Variants in CHST15 observed in about 807,000 individuals in gnomAD.
CHST15 encodes the protein carbohydrate sulfotransferase 15.
A neutral mutation model predicts 53.6 loss-of-function variants in CHST15; 30 were observed. The ratio of observed to expected loss-of-function variants is 0.56; its 90% CI spans 0.42 to 0.76. The LOEUF is 0.76. CHST15 is among the 30% of genes least tolerant of loss of function. The pLI is 0.00. For synonymous variants in CHST15, 296 were observed against 289.8 expected (o/e 1.02, Z -0.22); for missense variants, 627 against 740.5 (o/e 0.85, Z 1.78).
chr10:124,038,400 C>A, intron 5 of CHST15, 115 bp downstream of exon 5: 2 of 1,241,808 alleles, frequency 1.6e-6, no homozygotes, highest in Non-Finnish European at 2.3e-6. Flanking sequence ...GCCACTGTAC[C>A]CGACCTGTTT....
chr10:124,065,568 C>T (rs1275286214), intron 1 of CHST15, among the ~76,000 whole-genome samples: 1 of 152,114 alleles, frequency 6.6e-6, no homozygotes, highest in African/African-American at 2.4e-5. Context: ...GGGTTCCCGA[C>T]ACCCACAGAG....
At position 124,009,537 on chromosome 10, in the gene CHST15, A is replaced by G. The variant is rs533752985; in HGVS notation, c.*612T>C. 1.6e-5 allele frequency: 16 copies of G among 988,706 alleles called. No homozygotes were observed. In the South Asian group the frequency reaches 6.9e-4, roughly 43 times the overall value. 61.2% of individuals were successfully genotyped at this position (988,706 alleles called of 1,614,324 possible). On this transcript the variant is annotated 3_prime_UTR_variant, in exon 8 of 8. Coordinates refer to ENST00000435907, the MANE Select transcript of CHST15 (RefSeq NM_001270764.2). ...AACTGGAGGGCTGAGTTTGGAGTAA[A>G]GGAGAAAAAAAAAATGAAGAGCCTC...
chr10:124,074,246 A>G lies in CHST15; in HGVS notation c.-513+19223T>C, dbSNP rs1949009340. On this transcript the variant is annotated intron_variant, in intron 1 of 7. Transcript: ENST00000435907. The surrounding 1 kb of genome is among the most constrained non-coding windows in gnomAD (Gnocchi z 4.4). ...GCTGGGAAAGACACCGAACCCTTGC[A>G]CTGATGCCATTAGACAGTTTCTACT... Among the ~76,000 whole-genome samples the G allele has an allele frequency of 6.6e-6, 1 of 152,128 alleles. No homozygotes were observed. The highest frequency in any genetic ancestry group is 1.5e-5 in the Non-Finnish European group (1 of 68,028).
chr10:124,075,233 C>T (rs377706579), intron 1 of CHST15, among the ~76,000 whole-genome samples: 1 of 152,128 alleles, frequency 6.6e-6, no homozygotes, highest in East Asian at 1.9e-4. Context: ...GCTGTGCATC[C>T]CCACGGTGGG....
At chr10:124,029,098 A>G (rs1193931574) in intron 5 of CHST15, among the ~76,000 whole-genome samples, 1 of 152,246 alleles carries the variant, frequency 6.6e-6, no homozygotes, top group Admixed American at 6.5e-5. Flanking sequence ...ATTTGCTGGC[A>G]TCCGAATTTA....
intron 1 of CHST15, among the ~76,000 whole-genome samples, chr10:124,060,175 C>T (rs1436711214): frequency 6.8e-6 from 1 of 147,346 alleles, no homozygotes; most frequent in African/African-American, 2.5e-5. Context: ...AGCACCCATG[C>T]AGTGTGTGCA....
At chr10:124,029,213 A>G (rs935759153) in intron 5 of CHST15, among the ~76,000 whole-genome samples, 3 of 152,204 alleles carry the variant, frequency 2.0e-5, no homozygotes, top group African/African-American at 7.2e-5. Context: ...GCTGAGACGG[A>G]GCCCTTTTGT....
chr10:124,030,070 AAC>A (rs1404479587), intron 5 of CHST15, among the ~76,000 whole-genome samples: 1 of 152,230 alleles, frequency 6.6e-6, no homozygotes, highest in Non-Finnish European at 1.5e-5. Flanking sequence ...CCAAAACATA[AAC>A]AGTGTTCAGC....
At position 124,036,977 on chromosome 10, in the gene CHST15, A is replaced by C. The variant is rs1054351793; in HGVS notation, c.1190+1538T>G. On this transcript the variant is annotated intron_variant, in intron 5 of 7. Transcript: ENST00000435907. This position sits in a 1 kb window ranked among gnomAD's most constrained non-coding sequence, Gnocchi z 5.1. ...TCCTGGAAGCTGGAGTCTGAAACCC[A>C]GGTGTGGGGCAGAGGTGGTTCCTCT... Among the ~76,000 whole-genome samples the C allele has an allele frequency of 9.9e-5, 15 of 152,242 alleles. No individual in the cohort carries two copies. Among genetic ancestry groups the C allele is most frequent in the African/African-American group, 3.4e-4 (14 of 41,544 alleles).
At position 124,038,113 on chromosome 10, in the gene CHST15, A is replaced by AT. The variant is rs35814318; in HGVS notation, c.1190+401dup. On this transcript the variant is annotated intron_variant, in intron 5 of 7. Coordinates refer to ENST00000435907, the MANE Select transcript of CHST15 (RefSeq NM_001270764.2). ...TTTTTGTTTGTTTTTATTTTATTTT[A>AT]TTTTTTTTTTTGAGATGGAGTCTCA... 4.4e-3 allele frequency among the ~76,000 whole-genome samples: 519 copies of AT among 117,832 alleles called. 3 individuals are homozygous for AT. The highest frequency in any genetic ancestry group is 6.6e-3 in the African/African-American group (227 of 34,230). The allele number at this position is 117,832 out of a possible 152,430, so 77.3% of individuals were successfully genotyped here.
At chr10:124,090,605 C>T (rs1949573111) in intron 1 of CHST15, among the ~76,000 whole-genome samples, 1 of 152,258 alleles carries the variant, frequency 6.6e-6, no homozygotes, top group African/African-American at 2.4e-5. Flanking sequence ...AATTAATCTT[C>T]TCTCTTCCAG....
intron 1 of CHST15, among the ~76,000 whole-genome samples, chr10:124,066,821 G>A (rs1465948272): frequency 1.3e-5 from 2 of 152,200 alleles, no homozygotes; most frequent in African/African-American, 2.4e-5. Flanking sequence ...TTCCTGGGCT[G>A]CGTCTCCCTG....
At chr10:124,063,650 A>G (rs889350706) in intron 1 of CHST15, among the ~76,000 whole-genome samples, 37 of 152,200 alleles carry the variant, frequency 2.4e-4, no homozygotes, top group African/African-American at 8.7e-4. Flanking sequence ...GGCTCGAAAA[A>G]AAAAATCTCA....
intron 6 of CHST15, among the ~76,000 whole-genome samples, chr10:124,015,300 T>A (rs1946552422): frequency 3.3e-5 from 5 of 151,504 alleles, no homozygotes; most frequent in Admixed American, 3.3e-4. Context: ...AAGTGTCCAA[T>A]GTGCTTAAAA....
At chr10:124,077,892 A>C (rs1017007706) in intron 1 of CHST15, among the ~76,000 whole-genome samples, 3 of 152,192 alleles carry the variant, frequency 2.0e-5, no homozygotes, top group African/African-American at 7.2e-5. Flanking sequence ...TCTTTATAAA[A>C]TCAGCTTGTA....
rs1431053614 is a variant in CHST15 at position 124,036,153 on chromosome 10, C to T, written c.1190+2362G>A. The stretch of plus-strand genomic sequence containing the variant: ...CTGGGGGCCGTGTCGGGGAGGGAGG[C>T]AGAGCAGCTATGCAAACACCTCCGG... On this transcript the variant is annotated intron_variant, in intron 5 of 7. Coordinates refer to ENST00000435907, the MANE Select transcript of CHST15 (RefSeq NM_001270764.2). This position sits in a 1 kb window ranked among gnomAD's most constrained non-coding sequence, Gnocchi z 5.1. 1.3e-5 allele frequency among the ~76,000 whole-genome samples: 2 copies of T among 152,212 alleles called. No individual in the cohort carries two copies. Among genetic ancestry groups the T allele is most frequent in the South Asian group, 2.1e-4 (1 of 4,832 alleles).
At position 124,036,976 on chromosome 10, in the gene CHST15, C is replaced by T. The variant is rs558330547; in HGVS notation, c.1190+1539G>A. Among the ~76,000 whole-genome samples, 14 of 152,210 alleles carry T rather than the reference C, an allele frequency of 9.2e-5. No individual in the cohort carries two copies. The highest frequency in any genetic ancestry group is 3.4e-4 in the African/African-American group (14 of 41,524). The stretch of plus-strand genomic sequence containing the variant: ...GTCCTGGAAGCTGGAGTCTGAAACC[C>T]AGGTGTGGGGCAGAGGTGGTTCCTC... On this transcript the variant is annotated intron_variant, in intron 5 of 7. Coordinates refer to ENST00000435907, the MANE Select transcript of CHST15 (RefSeq NM_001270764.2). The surrounding 1 kb of genome is among the most constrained non-coding windows in gnomAD (Gnocchi z 5.1).
At position 124,074,404 on chromosome 10, in the gene CHST15, T is replaced by C. The variant is rs564777467; in HGVS notation, c.-513+19065A>G. On this transcript the variant is annotated intron_variant, in intron 1 of 7. Coordinates refer to ENST00000435907, the MANE Select transcript of CHST15 (RefSeq NM_001270764.2). This position sits in a 1 kb window ranked among gnomAD's most constrained non-coding sequence, Gnocchi z 4.4. ...CCAACTGCAAAGGGCACAATTCAGGTGGCAGGTAGGGGCGGGGGCCTAGTT... is the reference window on the plus strand; with the variant it reads ...CCAACTGCAAAGGGCACAATTCAGGCGGCAGGTAGGGGCGGGGGCCTAGTT... Among the ~76,000 whole-genome samples, 1 of 152,248 alleles carries C rather than the reference T, an allele frequency of 6.6e-6. No homozygotes were observed. Among genetic ancestry groups the C allele is most frequent in the Non-Finnish European group, 1.5e-5 (1 of 68,016 alleles).
At chr10:124,022,054 G>A (rs926439353) in intron 5 of CHST15, among the ~76,000 whole-genome samples, 2 of 152,202 alleles carry the variant, frequency 1.3e-5, no homozygotes, top group Non-Finnish European at 2.9e-5. Context: ...CACACGTATG[G>A]CAGAATGCTG....
Sources: gnomAD v4.1 joint callset for allele counts (sites outside exome capture counted in the v4.1 genomes callset) on GRCh38, gnomAD v4.1.1 for gene constraint, Gnocchi (gnomAD v3.1) non-coding constraint, MANE v1.5 for transcripts, NCBI Gene and HGNC (gene_info 2026-07-23, HGNC 2026-07-21) for gene names.